The following IQSEC3 variants were observed in gnomAD, a reference collection of about 807,000 sequenced individuals.
IQSEC3 encodes IQ motif and SEC7 domain-containing protein 3.
IQSEC3 carries 50 observed loss-of-function variants against 105.4 expected under a neutral mutation model. The observed-to-expected ratio is 0.47, with a 90% CI of 0.38 to 0.60. IQSEC3 has a LOEUF of 0.60. Among genes scored for constraint, IQSEC3 ranks in the 20% least tolerant of loss-of-function variants. The pLI is 0.00. For missense variants in IQSEC3, 1,415 were observed against 1,630.0 expected, an observed-to-expected ratio of 0.87 and a Z score of 2.27; for synonymous variants, 708 against 746.0, an observed-to-expected ratio of 0.95 and a Z score of 0.83.
chr12:131,513 A>G (rs1865599996), intron 3 of IQSEC3, among the ~76,000 whole-genome samples: 1 of 152,260 alleles, frequency 6.6e-6, no homozygotes, highest in Non-Finnish European at 1.5e-5. Context: ...GGGAGGAAGG[A>G]TGGAGTGCTG....
intron 1 of IQSEC3, among the ~76,000 whole-genome samples, chr12:72,149 C>G (rs1249184394): frequency 6.6e-6 from 1 of 152,260 alleles, no homozygotes; most frequent in Admixed American, 6.5e-5. Flanking sequence ...GCAGTGAATG[C>G]CATAGGGCCT....
intron 3 of IQSEC3, among the ~76,000 whole-genome samples, chr12:127,014 A>G (rs560052526): frequency 2.0e-5 from 3 of 152,342 alleles, no homozygotes; most frequent in Admixed American, 1.3e-4. Context: ...TGTGTGGATT[A>G]CTAACAATAT....
At chr12:149,527 C>T (rs1555092026) in intron 5 of IQSEC3, among the ~76,000 whole-genome samples, 1 of 152,216 alleles carries the variant, frequency 6.6e-6, no homozygotes, top group Non-Finnish European at 1.5e-5. Flanking sequence ...TGCAGTCATT[C>T]CTGGTCATCT....
At chr12:128,622 G>A (rs890631107) in intron 3 of IQSEC3, among the ~76,000 whole-genome samples, 23 of 151,970 alleles carry the variant, frequency 1.5e-4, no homozygotes, top group Admixed American at 2.6e-4. Context: ...TCCTTCCTTC[G>A]CCTCTGCTCT....
intron 1 of IQSEC3, among the ~76,000 whole-genome samples, chr12:87,794 C>T (rs1303670548): frequency 6.6e-6 from 1 of 152,160 alleles, no homozygotes; most frequent in Non-Finnish European, 1.5e-5. Flanking sequence ...ACAGCTCTTC[C>T]TTGAGATCAA....
intron 10 of IQSEC3, 51 bp downstream of exon 10, chr12:165,584 A>T: frequency 6.5e-7 from 1 of 1,547,328 alleles, no homozygotes; most frequent in East Asian, 2.2e-5. Flanking sequence ...GAATGGATGA[A>T]ATGGCTGGGG....
rs1865880666 is a variant in IQSEC3, at chr12:138,736, G to GC, written c.1374dup (p.Ala459ArgfsTer8). 1 of 1,511,416 alleles carries GC rather than the reference G, an allele frequency of 6.6e-7. No homozygotes were observed. The highest frequency in any genetic ancestry group is 8.8e-7 in the Non-Finnish European group (1 of 1,135,050). 93.6% of individuals were successfully genotyped at this position (1,511,416 alleles called of 1,614,324 possible). The stretch of plus-strand genomic sequence containing the variant: ...GAGGCCGAGGGGCGGGCGCCGGAGA[G>GC]CGCGGGCCCCGGGCCCGGGGATGAC... On this transcript the variant is annotated frameshift_variant, in exon 4 of 14. Transcript: ENST00000538872. LOFTEE classifies it high-confidence loss of function. This position sits in a 1 kb window ranked among gnomAD's most constrained non-coding sequence, Gnocchi z 7.1.
intron 12 of IQSEC3, among the ~76,000 whole-genome samples, 179 bp from the exon 13 acceptor site, chr12:170,933 T>C (rs1555100038): frequency 1.3e-5 from 2 of 152,204 alleles, no homozygotes; most frequent in Admixed American, 1.3e-4. Context: ...CAGAGAGATG[T>C]AGCATCTCGC....
intron 2 of IQSEC3, among the ~76,000 whole-genome samples, chr12:125,013 C>A (rs188816801): frequency 2.0e-5 from 3 of 152,120 alleles, no homozygotes; most frequent in African/African-American, 4.8e-5. Context: ...GTCCACCCCC[C>A]TGGAAAGGCT....
intron 5 of IQSEC3, chr12:148,424 T>G (rs1866370255): frequency 6.6e-6 from 1 of 152,138 alleles, no homozygotes; most frequent in South Asian, 2.1e-4. Flanking sequence ...AAAAATCAGC[T>G]CAGGGCTTCT....
At chr12:117,591 G>A (rs915408803) in intron 2 of IQSEC3, among the ~76,000 whole-genome samples, 4 of 152,176 alleles carry the variant, frequency 2.6e-5, no homozygotes, top group African/African-American at 4.8e-5. Flanking sequence ...GGGAGTGGCC[G>A]GGGTATTCTG....
At chr12:131,818 C>T (rs572172695) in intron 3 of IQSEC3, among the ~76,000 whole-genome samples, 1 of 152,082 alleles carries the variant, frequency 6.6e-6, no homozygotes, top group South Asian at 2.1e-4. Flanking sequence ...CCTGGCAGGC[C>T]CAACTCTGGG....
intron 5 of IQSEC3, among the ~76,000 whole-genome samples, chr12:155,352 C>G (rs956834156): frequency 1.3e-4 from 20 of 152,248 alleles, no homozygotes; most frequent in African/African-American, 4.6e-4. Context: ...GCCAGCAAGC[C>G]TGAGAGGAGT....
chr12:165,595 C>A, intron 10 of IQSEC3, 62 bp downstream of exon 10: 2 of 1,549,076 alleles, frequency 1.3e-6, no homozygotes, highest in Non-Finnish European at 1.8e-6. Context: ...ATGGCTGGGG[C>A]GAGTTGAGGG....
At chr12:88,800 G>A (rs1863995523) in intron 1 of IQSEC3, among the ~76,000 whole-genome samples, 1 of 152,186 alleles carries the variant, frequency 6.6e-6, no homozygotes, top group South Asian at 2.1e-4. Context: ...AGAAAATAGG[G>A]ACCAGAAAGA....
At chr12:95,428 G>C (rs186368053) in intron 1 of IQSEC3, among the ~76,000 whole-genome samples, 1 of 152,150 alleles carries the variant, frequency 6.6e-6, no homozygotes, top group Non-Finnish European at 1.5e-5. Flanking sequence ...ATCAATATTT[G>C]TGTTGGTTTC....
intron 1 of IQSEC3, among the ~76,000 whole-genome samples, chr12:93,408 G>A (rs73034008): frequency 0.016 from 2,462 of 152,294 alleles, 23 homozygotes; most frequent in Non-Finnish European, 0.021. Context: ...AAGAGATCCC[G>A]TCCCTTCCTG....
Position 174,937 on chromosome 12 carries a change from G to GCC in IQSEC3, c.3457_3458dup (p.Pro1154HisfsTer66). ...TCACCCACCAGCCTCCGCTGCCCCC[G>GCC]CCCCCACCCCCCTACAACCACCCTC... On this transcript the variant is annotated frameshift_variant, in exon 14 of 14. Coordinates refer to ENST00000538872, the MANE Select transcript of IQSEC3 (RefSeq NM_001170738.2). LOFTEE classifies it high-confidence loss of function. The GCC allele has an allele frequency of 1.6e-6, 1 of 611,370 alleles. No homozygotes were observed. The highest frequency in any genetic ancestry group is 2.5e-6 in the Non-Finnish European group (1 of 400,052). 37.9% of individuals were successfully genotyped at this position (611,370 alleles called of 1,614,324 possible).
At chr12:100,542 C>T (rs183394420) in intron 2 of IQSEC3, among the ~76,000 whole-genome samples, 2 of 152,240 alleles carry the variant, frequency 1.3e-5, no homozygotes, top group Admixed American at 6.5e-5. Flanking sequence ...GAGAAAGAGG[C>T]GGGGCTCTGA....
Sources: allele counts gnomAD v4.1 joint callset (sites outside exome capture counted in the v4.1 genomes callset), GRCh38; gene constraint gnomAD v4.1.1; non-coding constraint Gnocchi (gnomAD v3.1); transcripts MANE v1.5; gene names NCBI Gene and HGNC (gene_info 2026-07-23, HGNC 2026-07-21).